ROBO2: variants seen among roughly 807,000 people sequenced by gnomAD.
ROBO2 encodes roundabout guidance receptor 2.
In ROBO2, 53 loss-of-function variants were observed where a neutral mutation model predicts 160.8. The ratio of observed to expected loss-of-function variants is 0.33; its 90% CI spans 0.26 to 0.41. The LOEUF is 0.41. ROBO2 is among the 10% of genes least tolerant of loss of function. ROBO2 has a pLI of 1.00. For synonymous variants in ROBO2, 664 were observed against 611.7 expected (o/e 1.09, Z -1.26); for missense variants, 1,577 against 1,722.4 (o/e 0.92, Z 1.49).
At chr3:77,627,178 AT>A (rs2095045247) in intron 23 of ROBO2, among the ~76,000 whole-genome samples, 1 of 152,148 alleles carries the variant, frequency 6.6e-6, no homozygotes, top group Non-Finnish European at 1.5e-5. Context: ...TACACGTGTA[AT>A]TTTTATCTGA....
At chr3:76,067,235 A>C (rs1426423432) in intron 2 of ROBO2, among the ~76,000 whole-genome samples, 1 of 152,222 alleles carries the variant, frequency 6.6e-6, no homozygotes, top group African/African-American at 2.4e-5. Flanking sequence ...AAATGGGGAT[A>C]ATAAAGAATA....
chr3:77,548,702 A>C (rs978605005), intron 7 of ROBO2, among the ~76,000 whole-genome samples: 1 of 152,014 alleles, frequency 6.6e-6, no homozygotes, highest in African/African-American at 2.4e-5. Context: ...GTTAAAGATT[A>C]CATAAAATCT....
chr3:76,244,494 A>C (rs770674863), intron 2 of ROBO2, among the ~76,000 whole-genome samples: 1 of 152,310 alleles, frequency 6.6e-6, no homozygotes, highest in Non-Finnish European at 1.5e-5. Flanking sequence ...AAATCAATCA[A>C]GCCCCTAATA....
intron 2 of ROBO2, among the ~76,000 whole-genome samples, chr3:76,028,203 A>G (rs1400185398): frequency 6.6e-6 from 1 of 151,418 alleles, no homozygotes; most frequent in Non-Finnish European, 1.5e-5. Context: ...AAGAAATAAA[A>G]TACATGCTAT....
intron 23 of ROBO2, 151 bp from the exon 25 acceptor site, chr3:77,634,719 A>G (rs2095233485): frequency 5.2e-6 from 4 of 776,018 alleles, no homozygotes; most frequent in South Asian, 3.0e-5. Flanking sequence ...TGTAGAAAAT[A>G]CATTTTTCTA....
At chr3:76,685,820 A>C (rs2092673703) in intron 2 of ROBO2, among the ~76,000 whole-genome samples, 1 of 152,162 alleles carries the variant, frequency 6.6e-6, no homozygotes, top group African/African-American at 2.4e-5. Context: ...TCGACAATGA[A>C]TAATAATGGA....
chr3:77,345,905 G>A (rs2067580969), intron 2 of ROBO2, among the ~76,000 whole-genome samples: 1 of 152,054 alleles, frequency 6.6e-6, no homozygotes, highest in Non-Finnish European at 1.5e-5. Context: ...GTTAATGTAG[G>A]TTAAATGTTA....
intron 2 of ROBO2, among the ~76,000 whole-genome samples, chr3:76,121,992 T>C (rs561665136): frequency 4.6e-5 from 7 of 152,362 alleles, no homozygotes; most frequent in African/African-American, 1.7e-4. Context: ...TTAGTCATGA[T>C]ACTTGTATTT....
chr3:75,978,245 A>G (rs1214763406), intron 2 of ROBO2, among the ~76,000 whole-genome samples: 1 of 151,466 alleles, frequency 6.6e-6, no homozygotes, highest in African/African-American at 2.4e-5. Context: ...CTGTTTTTTC[A>G]TAAGTCTAGT....
Position 77,632,341 on chromosome 3 carries a change from A to C in ROBO2, c.3761-2529A>C, listed in dbSNP as rs1223200628. 4.6e-6 allele frequency: 3 copies of C among 650,486 alleles called. No homozygotes were observed. In the African/African-American group the frequency reaches 5.4e-5, roughly 12 times the overall value. The allele number at this position is 650,486 out of a possible 1,614,324, so 40.3% of individuals were successfully genotyped here. A position where few individuals can be genotyped will look rare whatever the true frequency, so the allele number is the denominator to read the frequency against. ...TGTTTAAAATGTACATGATACTTGC[A>C]TTTGGCTAAAGAAATCATGATGAAA... On this transcript the variant is annotated intron_variant, in intron 23 of 25. Coordinates refer to ENST00000461745, the Ensembl canonical transcript of ROBO2.
intron 2 of ROBO2, among the ~76,000 whole-genome samples, chr3:76,027,469 G>T (rs113649651): frequency 3.6e-4 from 54 of 151,860 alleles, no homozygotes; most frequent in African/African-American, 1.3e-3. Flanking sequence ...GCAAAAGGGG[G>T]CTTATGACCC....
intron 2 of ROBO2, among the ~76,000 whole-genome samples, chr3:76,164,737 G>A (rs2072760560): frequency 6.6e-6 from 1 of 152,120 alleles, no homozygotes; most frequent in Non-Finnish European, 1.5e-5. Flanking sequence ...ACAGGGCACG[G>A]GAAGAGAATA....
chr3:77,396,596 T>A (rs371890139), intron 2 of ROBO2, among the ~76,000 whole-genome samples: 8 of 152,128 alleles, frequency 5.3e-5, no homozygotes, highest in African/African-American at 1.9e-4. Context: ...ATCTATTAAG[T>A]TTTTTGTTTC....
chr3:77,612,788 T>C (rs1338671162), intron 21 of ROBO2, among the ~76,000 whole-genome samples: 1 of 151,876 alleles, frequency 6.6e-6, no homozygotes, highest in Non-Finnish European at 1.5e-5. Flanking sequence ...CTACTAAAAA[T>C]GCAAAAAATT....
chr3:76,098,493 A>C (rs1185393974), intron 2 of ROBO2, among the ~76,000 whole-genome samples: 1 of 152,166 alleles, frequency 6.6e-6, no homozygotes, highest in Non-Finnish European at 1.5e-5. Context: ...AAATAAAATC[A>C]TTATGCAAAT....
rs1166858558 is a variant in ROBO2 at position 76,305,387 on chromosome 3, C to CAAAAAAAA, written c.109+367815_109+367822dup. On this transcript the variant is annotated intron_variant, in intron 2 of 26. Coordinates refer to the ROBO2 transcript ENST00000487694. The stretch of plus-strand genomic sequence containing the variant: ...GCCTGGGTGACAGAGCAAGATCTGT[C>CAAAAAAAA]AAAAAAAAAAAAAAAAAAAAAAAAA... Among the ~76,000 whole-genome samples the CAAAAAAAA allele has an allele frequency of 2.9e-4, 6 of 20,686 alleles. 1 individual carries two copies. Among genetic ancestry groups the CAAAAAAAA allele is most frequent in the African/African-American group, 1.2e-3 (5 of 4,086 alleles). The allele number at this position is 20,686 out of a possible 152,430, so 13.6% of individuals were successfully genotyped here.
At chr3:77,315,989 A>G (rs1221649048) in intron 2 of ROBO2, among the ~76,000 whole-genome samples, 1 of 152,194 alleles carries the variant, frequency 6.6e-6, no homozygotes, top group Non-Finnish European at 1.5e-5. Flanking sequence ...GGAAGACTTT[A>G]AAATGTACCC....
intron 2 of ROBO2, among the ~76,000 whole-genome samples, chr3:76,219,444 T>G (rs1271619876): frequency 1.3e-5 from 2 of 152,080 alleles, no homozygotes; most frequent in African/African-American, 4.8e-5. Flanking sequence ...AAGGCTAATA[T>G]CCAGAATCTA....
At chr3:77,324,453 G>T (rs1385760125) in intron 2 of ROBO2, among the ~76,000 whole-genome samples, 1 of 152,098 alleles carries the variant, frequency 6.6e-6, no homozygotes, top group Non-Finnish European at 1.5e-5. Context: ...TTGTCCAGTT[G>T]TAGGGAAAGT....
Sources: gnomAD v4.1 joint callset for allele counts (sites outside exome capture counted in the v4.1 genomes callset) on GRCh38, gnomAD v4.1.1 for gene constraint, MANE v1.5 for transcripts, NCBI Gene and HGNC (gene_info 2026-07-23, HGNC 2026-07-21) for gene names.